Variants in CAMLG observed in about 807,000 individuals in gnomAD.
The protein encoded by CAMLG is guided entry of tail-anchored proteins factor CAMLG.
A neutral mutation model predicts 28.9 loss-of-function variants in CAMLG; 23 were observed. The observed-to-expected ratio is 0.80, with a 90% CI of 0.57 to 1.13. The LOEUF (loss-of-function observed/expected upper bound fraction) is 1.13. CAMLG is among the 50% of genes most tolerant of loss of function. CAMLG has a pLI of 0.00. For synonymous variants in CAMLG, 141 were observed against 146.5 expected, an observed-to-expected ratio of 0.96 and a Z score of 0.27; for missense variants, 367 against 371.9, an observed-to-expected ratio of 0.99 and a Z score of 0.11.
At chr5:134,741,018 C>T (rs1421800995) in intron 1 of CAMLG, 45 bp from the exon 2 acceptor site, 4 of 1,319,010 alleles carry the variant, frequency 3.0e-6, no homozygotes, top group African/African-American at 1.4e-5. Context: ...AAGGTGTTTG[C>T]CAGTATGGAA....
chr5:134,747,406 C>T (rs1203644607), intron 3 of CAMLG, among the ~76,000 whole-genome samples: 2 of 151,878 alleles, frequency 1.3e-5, no homozygotes, highest in African/African-American at 4.8e-5. Context: ...GGCTGGAGTG[C>T]CATCTCGGCT....
At chr5:134,746,068 G>T (rs1171562111) in intron 3 of CAMLG, among the ~76,000 whole-genome samples, 1 of 150,456 alleles carries the variant, frequency 6.6e-6, no homozygotes, top group East Asian at 2.0e-4. Flanking sequence ...AACCCAGGAG[G>T]TGGAGGTTGT....
intron 3 of CAMLG, among the ~76,000 whole-genome samples, chr5:134,749,225 G>A (rs1318447103): frequency 6.6e-6 from 1 of 151,870 alleles, no homozygotes; most frequent in Non-Finnish European, 1.5e-5. Context: ...GTGCCACCAC[G>A]CCTGGCTAAT....
At chr5:134,743,634 G>A (rs1359165655) in intron 2 of CAMLG, among the ~76,000 whole-genome samples, 1 of 151,546 alleles carries the variant, frequency 6.6e-6, no homozygotes, top group Non-Finnish European at 1.5e-5. Context: ...TTGGGAGGCC[G>A]AGGTGGGTGG....
Position 134,750,898 on chromosome 5 carries a change from C to T in CAMLG, c.839C>T (p.Thr280Ile). Residue 280 changes from threonine (T) to isoleucine (I), a missense_variant, in exon 4 of 4, where the codon ACT becomes ATT. Transcript: ENST00000297156. ...VFTDLCVYFF[T>I]FIFCHELLDY... ...ACAGATCTCTGTGTCTACTTTTTCA[C>T]TTTTATCTTTTGTCATGAACTGCTT... 1 of 1,613,616 alleles carries T rather than the reference C, an allele frequency of 6.2e-7. No homozygotes were observed. The highest frequency in any genetic ancestry group is 8.5e-7 in the Non-Finnish European group (1 of 1,179,928).
In CAMLG at chr5:134,750,850, A is replaced by G. The variant is rs977164554; in HGVS notation, c.791A>G (p.Tyr264Cys). The part of the protein sequence containing the change: ...AEVINRSMDT[Y>C]SKMGEVFTDL... ...GTGATAAATCGATCAATGGATACCT[A>G]TAGCAAAATGGGCGAAGTCTTCACA... Residue 264 changes from tyrosine (Y) to cysteine (C), a missense_variant, in exon 4 of 4, where the codon TAT becomes TGT. Physicochemically the swap from Tyr to Cys is radical, Grantham distance 194. Coordinates refer to ENST00000297156, the MANE Select transcript of CAMLG (RefSeq NM_001745.4). 5 of 1,613,798 alleles carry G rather than the reference A, an allele frequency of 3.1e-6. No individual in the cohort carries two copies. The highest frequency in any genetic ancestry group is 4.2e-6 in the Non-Finnish European group (5 of 1,179,824).
At position 134,751,025 on chromosome 5, in the gene CAMLG, G is replaced by T; in HGVS notation, c.*75G>T. On this transcript the variant is annotated 3_prime_UTR_variant, in exon 4 of 4. Transcript: ENST00000297156. ...TCTATATTGCAGTGTCTCTAAAGGA[G>T]GCAAATTGGTTTACACCTTCATGTA... The T allele has an allele frequency of 2.6e-6, 3 of 1,142,716 alleles. No homozygotes were observed. Among genetic ancestry groups the T allele is most frequent in the East Asian group, 2.4e-5 (1 of 41,962 alleles). 70.8% of individuals were successfully genotyped at this position (1,142,716 alleles called of 1,614,324 possible).
chr5:134,743,088 G>A (rs1753003470), intron 2 of CAMLG, among the ~76,000 whole-genome samples: 1 of 152,072 alleles, frequency 6.6e-6, no homozygotes, highest in African/African-American at 2.4e-5. Context: ...ATCTTGCTAT[G>A]GTGTCCAGGC....
chr5:134,743,455 T>A (rs1753007350), intron 2 of CAMLG, among the ~76,000 whole-genome samples: 1 of 152,108 alleles, frequency 6.6e-6, no homozygotes. Context: ...TTAAAATTAC[T>A]ATTTTATGGG....
At chr5:134,744,489 A>T (rs1467277521) in intron 3 of CAMLG, among the ~76,000 whole-genome samples, 3 of 148,912 alleles carry the variant, frequency 2.0e-5, no homozygotes, top group Non-Finnish European at 4.4e-5. Context: ...GCGCCACTGC[A>T]CTGCTCCAGT....
At chr5:134,739,450 C>T (rs1043728701) in intron 1 of CAMLG, among the ~76,000 whole-genome samples, 3 of 152,166 alleles carry the variant, frequency 2.0e-5, no homozygotes, top group Non-Finnish European at 4.4e-5. Context: ...AGTTTCCTCT[C>T]CTCATGAGGG....
In CAMLG at chr5:134,741,448, C is replaced by G. The variant is rs1198845280; in HGVS notation, c.558C>G (p.Asp186Glu). 1 of 1,613,924 alleles carries G rather than the reference C, an allele frequency of 6.2e-7. No homozygotes were observed. Among genetic ancestry groups the G allele is most frequent in the African/African-American group, 1.3e-5 (1 of 74,926 alleles). Residue 186 changes from aspartate (D) to glutamate (E), a missense_variant, in exon 2 of 4, where the codon GAC becomes GAG. Asp to Glu is a conservative substitution (Grantham distance 45, BLOSUM62 2). Transcript: ENST00000297156. ...QEDGNTTEEF[D>E]SFRIFRLVGC... ...ATGGAAATACAACAGAAGAATTTGA[C>G]TCTTTTCGAATATTTAGATTGGTGG...
intron 1 of CAMLG, among the ~76,000 whole-genome samples, chr5:134,740,532 T>C (rs1044763720): frequency 3.3e-5 from 5 of 152,204 alleles, no homozygotes; most frequent in African/African-American, 1.2e-4. Flanking sequence ...TTTGGGTTAT[T>C]TCCTCTGCAG....
At chr5:134,739,463 T>C (rs1752958052) in intron 1 of CAMLG, among the ~76,000 whole-genome samples, 1 of 152,172 alleles carries the variant, frequency 6.6e-6, no homozygotes, top group Non-Finnish European at 1.5e-5. Flanking sequence ...CATGAGGGGA[T>C]ATTGTTGTGA....
In CAMLG at chr5:134,741,241, C is replaced by A; in HGVS notation, c.351C>A (p.Phe117Leu). ...GTQLGDKLDSFIKPPECSSDV... is the reference protein window; with the variant it reads ...GTQLGDKLDSLIKPPECSSDV... ...AACTGGGAGACAAATTGGACTCGTT[C>A]ATTAAACCACCTGAGTGCAGTAGTG... Residue 117 changes from phenylalanine (F) to leucine (L), a missense_variant, in exon 2 of 4, where the codon TTC (phenylalanine) becomes TTA (leucine). Phe to Leu is a conservative substitution (Grantham distance 22). Coordinates refer to ENST00000297156, the MANE Select transcript of CAMLG (RefSeq NM_001745.4). 1 of 1,614,196 alleles carries A rather than the reference C, an allele frequency of 6.2e-7. No individual in the cohort carries two copies. The highest frequency in any genetic ancestry group is 8.5e-7 in the Non-Finnish European group (1 of 1,180,030).
intron 3 of CAMLG, among the ~76,000 whole-genome samples, chr5:134,750,281 T>G (rs375640115): frequency 6.6e-6 from 1 of 152,212 alleles, no homozygotes; most frequent in Admixed American, 6.5e-5. Flanking sequence ...GGCTCACACC[T>G]GTAATCCTGA....
At chr5:134,742,746 A>G (rs1752999569) in intron 2 of CAMLG, among the ~76,000 whole-genome samples, 1 of 152,046 alleles carries the variant, frequency 6.6e-6, no homozygotes, top group South Asian at 2.1e-4. Flanking sequence ...CAGTTTTTGT[A>G]AATCTTTTTT....
At chr5:134,746,137 C>CAAAAAAA (rs1156938843) in intron 3 of CAMLG, among the ~76,000 whole-genome samples, 1 of 77,108 alleles carries the variant, frequency 1.3e-5, no homozygotes, top group East Asian at 3.8e-4. Context: ...AACTCCATCT[C>CAAAAAAA]AAAAAAAAAA....
intron 1 of CAMLG, among the ~76,000 whole-genome samples, chr5:134,739,048 T>G (rs1288457416): frequency 6.6e-6 from 1 of 152,230 alleles, no homozygotes; most frequent in African/African-American, 2.4e-5. Flanking sequence ...TCACTCCCTC[T>G]TCCCAGTTAC....
Sources: gnomAD v4.1 joint callset for allele counts (sites outside exome capture counted in the v4.1 genomes callset) on GRCh38, gnomAD v4.1.1 for gene constraint, MANE v1.5 for transcripts, NCBI Gene and HGNC (gene_info 2026-07-23, HGNC 2026-07-21) for gene names.